Variants in RIT2 observed in about 807,000 individuals in gnomAD.
RIT2 encodes the protein GTP-binding protein Rit2.
RIT2 carries 24 observed loss-of-function variants against 23.7 expected under a neutral mutation model. The observed-to-expected ratio is 1.01, with a 90% CI of 0.73 to 1.43. RIT2 has a LOEUF of 1.43. Among genes scored for constraint, RIT2 ranks in the 40% most tolerant of loss-of-function variants. The probability of loss-of-function intolerance (pLI) is 0.00; values close to 1 mark genes in which losing one functional copy is unlikely to be tolerated. For missense variants in RIT2, 236 were observed against 266.9 expected, an observed-to-expected ratio of 0.88 and a Z score of 0.81; for synonymous variants, 107 against 91.1, an observed-to-expected ratio of 1.17 and a Z score of -0.99.
intron 1 of RIT2, among the ~76,000 whole-genome samples, chr18:43,076,810 A>G (rs2144342254): frequency 6.6e-6 from 1 of 152,296 alleles, no homozygotes; most frequent in East Asian, 1.9e-4. Flanking sequence ...TCTTTTTAAG[A>G]GGCTCAAACA....
chr18:42,759,753 A>G (rs1163344453), intron 4 of RIT2, among the ~76,000 whole-genome samples: 1 of 98,862 alleles, frequency 1.0e-5, no homozygotes, highest in Non-Finnish European at 2.2e-5. Flanking sequence ...ACACACACAC[A>G]CATACGGATA....
intron 4 of RIT2, among the ~76,000 whole-genome samples, chr18:42,748,565 T>C (rs1433139265): frequency 6.6e-6 from 1 of 152,110 alleles, no homozygotes; most frequent in Non-Finnish European, 1.5e-5. Context: ...GAACTACCAG[T>C]TGATCCAGCA....
intron 1 of RIT2, among the ~76,000 whole-genome samples, chr18:43,050,635 T>C (rs1912358090): frequency 6.6e-6 from 1 of 152,170 alleles, no homozygotes; most frequent in Non-Finnish European, 1.5e-5. Flanking sequence ...TCCCCTTCTG[T>C]CCTCCATCTG....
At chr18:42,835,507 C>CT (rs1454327608) in intron 4 of RIT2, among the ~76,000 whole-genome samples, 1 of 152,096 alleles carries the variant, frequency 6.6e-6, no homozygotes, top group Non-Finnish European at 1.5e-5. Flanking sequence ...TCAAAAACTT[C>CT]TCCTGCTACT....
intron 1 of RIT2, among the ~76,000 whole-genome samples, chr18:43,077,102 C>CAAAAAAGAAAAGAAA (rs755511835): frequency 6.2e-5 from 5 of 80,256 alleles, no homozygotes; most frequent in Admixed American, 1.4e-4. Flanking sequence ...GACTCCGTCT[C>CAAAAAAGAAAAGAAA]AAAAAAAAAA....
intron 1 of RIT2, among the ~76,000 whole-genome samples, chr18:43,097,208 G>T (rs1460874700): frequency 6.6e-6 from 1 of 151,734 alleles, no homozygotes; most frequent in Non-Finnish European, 1.5e-5. Context: ...AATGTGGTGT[G>T]AGCATTTGTA....
chr18:43,025,941 T>TATA lies in RIT2; in HGVS notation c.160+7869_160+7870insTAT, dbSNP rs765172499. ...CCAGACTTCACCACTATACAATATA[T>TATA]CCATGAAACAAAACTGCATTATTAC... On this transcript the variant is annotated intron_variant, in intron 2 of 4. Coordinates refer to ENST00000326695, the MANE Select transcript of RIT2 (RefSeq NM_002930.4). Among the ~76,000 whole-genome samples, 1,204 of 152,146 alleles carry TATA rather than the reference T, an allele frequency of 7.9e-3. 3 individuals are homozygous for TATA. Among genetic ancestry groups the TATA allele is most frequent in the Middle Eastern group, 0.024 (7 of 294 alleles).
chr18:42,806,929 A>C (rs2143969672), intron 4 of RIT2, among the ~76,000 whole-genome samples: 1 of 152,360 alleles, frequency 6.6e-6, no homozygotes, highest in African/African-American at 2.4e-5. Flanking sequence ...CTAGCGGGTT[A>C]AAAGAATTAT....
intron 1 of RIT2, among the ~76,000 whole-genome samples, chr18:43,112,322 C>T (rs183748339): frequency 1.2e-3 from 180 of 152,152 alleles, no homozygotes; most frequent in Non-Finnish European, 2.2e-3. Context: ...ATAGAAATAC[C>T]GACTCTGACT....
intron 2 of RIT2, among the ~76,000 whole-genome samples, chr18:42,990,118 A>G (rs1910807059): frequency 6.6e-6 from 1 of 152,044 alleles, no homozygotes; most frequent in East Asian, 1.9e-4. Flanking sequence ...AGAGCCAGGA[A>G]AGCCATTGGT....
At chr18:42,799,222 C>A (rs1905458438) in intron 4 of RIT2, among the ~76,000 whole-genome samples, 1 of 152,068 alleles carries the variant, frequency 6.6e-6, no homozygotes, top group East Asian at 1.9e-4. Context: ...GATTAAAAGG[C>A]AATCCTTTCA....
chr18:42,804,621 T>C (rs947480408), intron 4 of RIT2, among the ~76,000 whole-genome samples: 1 of 146,850 alleles, frequency 6.8e-6, no homozygotes, highest in African/African-American at 2.5e-5. Context: ...AAATGCATTC[T>C]AGGTATCCCC....
At chr18:43,011,997 T>C (rs1911361403) in intron 2 of RIT2, among the ~76,000 whole-genome samples, 1 of 151,864 alleles carries the variant, frequency 6.6e-6, no homozygotes, top group Non-Finnish European at 1.5e-5. Flanking sequence ...TTCGTGTTCC[T>C]GAAATTATTC....
At chr18:42,888,907 T>C (rs1476946011) in intron 4 of RIT2, among the ~76,000 whole-genome samples, 2 of 152,034 alleles carry the variant, frequency 1.3e-5, no homozygotes. Flanking sequence ...TGTGGACTTC[T>C]GGAAGAAGGA....
At chr18:42,748,762 G>A (rs1334514937) in intron 4 of RIT2, among the ~76,000 whole-genome samples, 1 of 151,870 alleles carries the variant, frequency 6.6e-6, no homozygotes, top group African/African-American at 2.4e-5. Context: ...GGGGACTCAG[G>A]GGAAAGGGAG....
At chr18:43,014,397 A>C (rs1911423169) in intron 2 of RIT2, among the ~76,000 whole-genome samples, 2 of 151,784 alleles carry the variant, frequency 1.3e-5, no homozygotes, top group South Asian at 4.1e-4. Flanking sequence ...CAAGTACAGC[A>C]TTGCAGGACA....
At chr18:43,012,675 T>C (rs1017554516) in intron 2 of RIT2, among the ~76,000 whole-genome samples, 3 of 151,618 alleles carry the variant, frequency 2.0e-5, no homozygotes, top group Admixed American at 6.6e-5. Flanking sequence ...AAATAAGGGC[T>C]ATAATATAGT....
chr18:42,846,668 CAGA>C (rs1351447022), intron 4 of RIT2, among the ~76,000 whole-genome samples: 7 of 151,768 alleles, frequency 4.6e-5, no homozygotes, highest in South Asian at 2.1e-4. Flanking sequence ...TTTTTGTGAA[CAGA>C]AGAAGGAAGA....
chr18:42,960,021 C>T (rs1910059708), intron 3 of RIT2, among the ~76,000 whole-genome samples: 1 of 152,078 alleles, frequency 6.6e-6, no homozygotes, highest in Non-Finnish European at 1.5e-5. Context: ...TAAATTATAT[C>T]ATCAATTACA....
Sources: gnomAD v4.1 joint callset for allele counts (sites outside exome capture counted in the v4.1 genomes callset) on GRCh38, gnomAD v4.1.1 for gene constraint, MANE v1.5 for transcripts, NCBI Gene and HGNC (gene_info 2026-07-23, HGNC 2026-07-21) for gene names.